Variants in PCDH9 observed in about 807,000 individuals in gnomAD.
PCDH9 encodes protocadherin-9.
In PCDH9, 24 loss-of-function variants were observed where a neutral mutation model predicts 70.6. The observed-to-expected ratio is 0.34, with a 90% CI of 0.25 to 0.48. The LOEUF (loss-of-function observed/expected upper bound fraction) is 0.48. Among genes scored for constraint, PCDH9 ranks in the 20% least tolerant of loss-of-function variants. The probability of loss-of-function intolerance (pLI) is 0.99; values close to 1 mark genes in which losing one functional copy is unlikely to be tolerated. For synonymous variants in PCDH9, 562 were observed against 558.5 expected (o/e 1.01, Z -0.09); for missense variants, 1,281 against 1,503.6 (o/e 0.85, Z 2.45).
intron 2 of PCDH9, among the ~76,000 whole-genome samples, chr13:66,958,721 A>G (rs2083300358): frequency 6.6e-6 from 1 of 151,978 alleles, no homozygotes; most frequent in Non-Finnish European, 1.5e-5. Context: ...GAGCATTTCT[A>G]TATTAGGCAC....
At chr13:67,117,886 T>C (rs943395776) in intron 2 of PCDH9, among the ~76,000 whole-genome samples, 6 of 152,142 alleles carry the variant, frequency 3.9e-5, no homozygotes, top group Middle Eastern at 3.4e-3. Flanking sequence ...TCAGTGACTG[T>C]CCCCCAAAAG....
At chr13:66,474,339 G>A (rs1958678544) in intron 4 of PCDH9, among the ~76,000 whole-genome samples, 1 of 152,086 alleles carries the variant, frequency 6.6e-6, no homozygotes, top group Non-Finnish European at 1.5e-5. Flanking sequence ...AATTTCAATG[G>A]ATAAAATGAA....
At chr13:66,959,643 C>T (rs1430418364) in intron 2 of PCDH9, among the ~76,000 whole-genome samples, 4 of 150,778 alleles carry the variant, frequency 2.7e-5, no homozygotes, top group East Asian at 2.0e-4. Context: ...TCCAGCTACT[C>T]GGGAGGCTGA....
chr13:67,092,215 T>C (rs945367694), intron 2 of PCDH9, among the ~76,000 whole-genome samples: 1 of 152,188 alleles, frequency 6.6e-6, no homozygotes, highest in Non-Finnish European at 1.5e-5. Context: ...TTTCTTTATA[T>C]CTATATCGAG....
chr13:67,107,217 C>T (rs1006285078), intron 2 of PCDH9, among the ~76,000 whole-genome samples: 1 of 149,658 alleles, frequency 6.7e-6, no homozygotes, highest in Non-Finnish European at 1.5e-5. Context: ...ATGGGCCAAT[C>T]AACACGCATA....
chr13:66,982,510 G>A (rs1566339373), intron 2 of PCDH9, among the ~76,000 whole-genome samples: 1 of 152,104 alleles, frequency 6.6e-6, no homozygotes, highest in Non-Finnish European at 1.5e-5. Context: ...TATAAAGGTA[G>A]GACTAAAAAT....
chr13:66,667,093 G>A (rs149353179), intron 3 of PCDH9, among the ~76,000 whole-genome samples: 2 of 152,156 alleles, frequency 1.3e-5, no homozygotes, highest in African/African-American at 4.8e-5. Context: ...CTAAAAATAT[G>A]AACAGAGTAT....
At chr13:66,662,242 G>A (rs755518201) in intron 3 of PCDH9, among the ~76,000 whole-genome samples, 2 of 152,078 alleles carry the variant, frequency 1.3e-5, no homozygotes, top group African/African-American at 4.8e-5. Context: ...GGGGGCTGAG[G>A]CGGGCGGATC....
chr13:67,186,218 T>C (rs2088755992), intron 2 of PCDH9, among the ~76,000 whole-genome samples: 1 of 152,102 alleles, frequency 6.6e-6, no homozygotes, highest in African/African-American at 2.4e-5. Context: ...AAATATAATC[T>C]TAAAGGATAA....
intron 3 of PCDH9, among the ~76,000 whole-genome samples, chr13:66,798,139 C>T (rs2080273637): frequency 6.6e-6 from 1 of 151,930 alleles, no homozygotes; most frequent in Non-Finnish European, 1.5e-5. Flanking sequence ...TCTTGTTTTT[C>T]CAAATATGGG....
intron 2 of PCDH9, among the ~76,000 whole-genome samples, chr13:67,101,590 T>C (rs1167472451): frequency 6.6e-6 from 1 of 152,170 alleles, no homozygotes; most frequent in East Asian, 1.9e-4. Flanking sequence ...TGTAAACCAG[T>C]GTAAAGTAGT....
chr13:66,305,087 A>T, intron 4 of PCDH9, 59 bp from the exon 5 acceptor site: 1 of 1,428,090 alleles, frequency 7.0e-7, no homozygotes, highest in Non-Finnish European at 9.4e-7. Flanking sequence ...TTCAATTAGA[A>T]TTATCTTAGA....
intron 4 of PCDH9, among the ~76,000 whole-genome samples, chr13:66,339,762 G>C (rs1956095835): frequency 6.6e-6 from 1 of 152,036 alleles, no homozygotes; most frequent in South Asian, 2.1e-4. Flanking sequence ...TGAAAAAGTA[G>C]CTCTATCCAC....
At chr13:66,434,547 C>T (rs559370481) in intron 4 of PCDH9, among the ~76,000 whole-genome samples, 1 of 152,040 alleles carries the variant, frequency 6.6e-6, no homozygotes, top group African/African-American at 2.4e-5. Context: ...GTGTTTGGCA[C>T]ATAATGGATG....
intron 4 of PCDH9, among the ~76,000 whole-genome samples, chr13:66,448,000 C>T (rs1234955508): frequency 6.6e-6 from 1 of 152,048 alleles, no homozygotes; most frequent in East Asian, 1.9e-4. Flanking sequence ...TCATTTATGC[C>T]TTAATCATTT....
rs940757466 is a variant in PCDH9 at position 66,594,955 on chromosome 13, C to G, written c.3340+36255G>C. On this transcript the variant is annotated intron_variant, in intron 4 of 4. Transcript: ENST00000377865. ...CTTAATGTTGAAAGTAACGGAAGAG[C>G]TACTCCTCCCCTTCTTTTTCTTAGA... 2.0e-5 allele frequency among the ~76,000 whole-genome samples: 3 copies of G among 150,060 alleles called. No individual in the cohort carries two copies. In the East Asian group the frequency reaches 5.9e-4, roughly 29 times the overall value.
intron 2 of PCDH9, chr13:67,224,700 T>C (rs918998153): frequency 6.5e-6 from 3 of 464,232 alleles, no homozygotes; most frequent in African/African-American, 6.3e-5. Flanking sequence ...TCTTTTCTTT[T>C]TAAATCAGTT....
intron 2 of PCDH9, chr13:67,219,224 G>A (rs1020946913): frequency 6.6e-6 from 1 of 151,986 alleles, no homozygotes; most frequent in Non-Finnish European, 1.5e-5. Context: ...AAAATTTAAT[G>A]AGTCTTGGCT....
intron 4 of PCDH9, among the ~76,000 whole-genome samples, chr13:66,420,468 GA>G (rs1348495363): frequency 6.6e-6 from 1 of 152,174 alleles, no homozygotes; most frequent in Non-Finnish European, 1.5e-5. Flanking sequence ...GAAGCTTGAT[GA>G]AGCTTCCAGA....
Sources: allele counts gnomAD v4.1 joint callset (sites outside exome capture counted in the v4.1 genomes callset), GRCh38; gene constraint gnomAD v4.1.1; transcripts MANE v1.5; gene names NCBI Gene and HGNC (gene_info 2026-07-23, HGNC 2026-07-21).